CPN1: variants seen among roughly 807,000 people sequenced by gnomAD.
CPN1 encodes carboxypeptidase N catalytic chain.
In CPN1, 37 loss-of-function variants were observed where a neutral mutation model predicts 46.4. The observed-to-expected ratio is 0.80, with a 90% CI of 0.61 to 1.05. The LOEUF (loss-of-function observed/expected upper bound fraction) is 1.05, where lower values mean the gene tolerates loss of function less well. Among genes scored for constraint, CPN1 ranks in the 50% least tolerant of loss-of-function variants. The pLI is 0.00. For missense variants in CPN1, 563 were observed against 602.6 expected (o/e 0.93, Z 0.69); for synonymous variants, 224 against 235.4 (o/e 0.95, Z 0.44).
chr10:100,079,231 A>G (rs1045215855), intron 1 of CPN1, among the ~76,000 whole-genome samples: 3 of 152,202 alleles, frequency 2.0e-5, no homozygotes, highest in Non-Finnish European at 4.4e-5. Context: ...ATTTATTGTC[A>G]GTCTTACCCC....
Position 100,047,072 on chromosome 10 carries a change from G to GA in CPN1, c.1230+1685dup, listed in dbSNP as rs554255243. ...CTGGGTGGCAGAGCGAGACTCTGTC[G>GA]AAAAAAAAAAAAAATTAGCTGGACA... On this transcript the variant is annotated intron_variant, in intron 8 of 8. Coordinates refer to ENST00000370418, the MANE Select transcript of CPN1 (RefSeq NM_001308.3). 7.6e-3 allele frequency among the ~76,000 whole-genome samples: 1,035 copies of GA among 136,540 alleles called. 5 individuals are homozygous for GA. The highest frequency in any genetic ancestry group is 0.02 in the African/African-American group (751 of 37,362). The allele number at this position is 136,540 out of a possible 152,430, so 89.6% of individuals were successfully genotyped here. A position where few individuals can be genotyped will look rare whatever the true frequency, so the allele number is the denominator to read the frequency against.
chr10:100,044,967 T>C (rs1378983501), intron 8 of CPN1, among the ~76,000 whole-genome samples: 1 of 152,236 alleles, frequency 6.6e-6, no homozygotes, highest in Non-Finnish European at 1.5e-5. Flanking sequence ...TGCCTCAGCC[T>C]CCTGAAGTGC....
chr10:100,056,249 T>G (rs1361254957), intron 6 of CPN1, among the ~76,000 whole-genome samples: 1 of 152,222 alleles, frequency 6.6e-6, no homozygotes, highest in Non-Finnish European at 1.5e-5. Flanking sequence ...TGATTAGTGG[T>G]GCTGAGCATT....
chr10:100,074,038 C>CA (rs111882825), intron 2 of CPN1, among the ~76,000 whole-genome samples: 2 of 152,054 alleles, frequency 1.3e-5, no homozygotes. Flanking sequence ...GCCCCATCCC[C>CA]CCCCCACAAT....
intron 2 of CPN1, among the ~76,000 whole-genome samples, chr10:100,071,348 C>A (rs748323278): frequency 2.6e-5 from 4 of 152,188 alleles, no homozygotes; most frequent in Non-Finnish European, 4.4e-5. Flanking sequence ...ATGGGCGGCA[C>A]GCTCTCTGGT....
chr10:100,048,619 G>C, intron 8 of CPN1, 139 bp downstream of exon 8: 1 of 733,562 alleles, frequency 1.4e-6, no homozygotes, highest in African/African-American at 1.7e-5. Flanking sequence ...GGATTGCTTC[G>C]GCCCAGGAGA....
chr10:100,066,319 C>T (rs933684530), intron 3 of CPN1, among the ~76,000 whole-genome samples: 3 of 152,228 alleles, frequency 2.0e-5, no homozygotes, highest in African/African-American at 7.2e-5. Context: ...TGGCCTCTCT[C>T]TGGACCCTAG....
chr10:100,076,129 G>A (rs769973756), intron 1 of CPN1, 22 bp from the exon 2 acceptor site: 3 of 1,613,344 alleles, frequency 1.9e-6, no homozygotes, highest in Admixed American at 3.3e-5. Context: ...AGAAAAGATG[G>A]GGGAAGCTTG....
At chr10:100,080,158 T>G (rs2041536445) in intron 1 of CPN1, among the ~76,000 whole-genome samples, 1 of 150,888 alleles carries the variant, frequency 6.6e-6, no homozygotes, top group Non-Finnish European at 1.5e-5. Context: ...TGTGATGGAG[T>G]CTGGACTTGG....
At chr10:100,062,229 T>G (rs1436092156) in intron 5 of CPN1, among the ~76,000 whole-genome samples, 1 of 152,038 alleles carries the variant, frequency 6.6e-6, no homozygotes, top group Non-Finnish European at 1.5e-5. Context: ...CTCTTCTCTA[T>G]TCTTCAATCC....
intron 1 of CPN1, among the ~76,000 whole-genome samples, chr10:100,078,047 T>C (rs991964359): frequency 5.3e-5 from 8 of 152,184 alleles, no homozygotes; most frequent in Non-Finnish European, 1.0e-4. Flanking sequence ...TTTTTTCTTT[T>C]TCTTTTTTTT....
At chr10:100,055,357 C>T (rs7090203) in intron 6 of CPN1, among the ~76,000 whole-genome samples, 13,629 of 151,614 alleles carry the variant, frequency 0.09, 936 homozygotes, top group African/African-American at 0.19. Context: ...TATCCCCCCC[C>T]CCAGCCCCTG....
At chr10:100,073,269 A>T (rs2041496075) in intron 2 of CPN1, among the ~76,000 whole-genome samples, 1 of 152,118 alleles carries the variant, frequency 6.6e-6, no homozygotes, top group Admixed American at 6.5e-5. Flanking sequence ...GATTTTCTTT[A>T]TGCTTCCAGG....
At chr10:100,059,349 C>A in intron 5 of CPN1, among the ~76,000 whole-genome samples, 1 of 151,808 alleles carries the variant, frequency 6.6e-6, no homozygotes, top group East Asian at 1.9e-4. Context: ...ATACATATAT[C>A]TGATAAGATA....
At chr10:100,069,929 C>CTTT in intron 2 of CPN1, 60 bp from the exon 3 acceptor site, 1 of 1,402,156 alleles carries the variant, frequency 7.1e-7, no homozygotes, top group Non-Finnish European at 9.8e-7. Context: ...TATTTTCTAA[C>CTTT]TTTTTTTTTT....
intron 8 of CPN1, among the ~76,000 whole-genome samples, chr10:100,048,176 A>G (rs770988632): frequency 1.3e-5 from 2 of 152,108 alleles, no homozygotes; most frequent in Admixed American, 6.6e-5. Flanking sequence ...AGAATAAGAG[A>G]GATTAGGTAA....
chr10:100,075,418 G>A (rs1020091680), intron 2 of CPN1, among the ~76,000 whole-genome samples: 2 of 152,248 alleles, frequency 1.3e-5, no homozygotes, highest in Admixed American at 1.3e-4. Flanking sequence ...AATAAAGTAT[G>A]AAGAATGTAG....
At chr10:100,053,265 C>G (rs566984614) in intron 7 of CPN1, among the ~76,000 whole-genome samples, 1 of 152,136 alleles carries the variant, frequency 6.6e-6, no homozygotes, top group Admixed American at 6.6e-5. Flanking sequence ...CCAGCTTAAA[C>G]AGATTGTAGG....
At chr10:100,045,789 A>G (rs994699180) in intron 8 of CPN1, among the ~76,000 whole-genome samples, 2 of 152,228 alleles carry the variant, frequency 1.3e-5, no homozygotes, top group South Asian at 2.1e-4. Flanking sequence ...ATCATGTCAT[A>G]CATAGTACTT....
Sources: allele counts gnomAD v4.1 joint callset (sites outside exome capture counted in the v4.1 genomes callset), GRCh38; gene constraint gnomAD v4.1.1; transcripts MANE v1.5; gene names NCBI Gene and HGNC (gene_info 2026-07-23, HGNC 2026-07-21).